Variants in NTM observed in about 807,000 individuals in gnomAD.
NTM encodes neurotrimin, also known as IgLON family member 2.
In NTM, 13 loss-of-function variants were observed where a neutral mutation model predicts 42.1. The observed-to-expected ratio is 0.31, with a 90% CI of 0.20 to 0.49. The LOEUF is 0.49. NTM is among the 20% of genes least tolerant of loss of function. The probability of loss-of-function intolerance (pLI) is 0.99; values close to 1 mark genes in which losing one functional copy is unlikely to be tolerated. For synonymous variants in NTM, 187 were observed against 179.2 expected, an observed-to-expected ratio of 1.04 and a Z score of -0.35; for missense variants, 373 against 452.8, an observed-to-expected ratio of 0.82 and a Z score of 1.60.
chr11:131,530,167 C>T (rs576538379), intron 1 of NTM, among the ~76,000 whole-genome samples: 1 of 152,238 alleles, frequency 6.6e-6, no homozygotes, highest in African/African-American at 2.4e-5. Flanking sequence ...GACAGTGTCC[C>T]CTTCATCTGA....
intron 1 of NTM, among the ~76,000 whole-genome samples, chr11:131,372,346 C>T (rs1470117915): frequency 6.6e-6 from 1 of 152,146 alleles, no homozygotes; most frequent in East Asian, 1.9e-4. Flanking sequence ...TCAGGATTCC[C>T]TGCTGTCCCC....
Position 132,335,153 on chromosome 11 carries a change from T to C in NTM, c.*7T>C, listed in dbSNP as rs2095862718. The C allele has an allele frequency of 4.3e-6, 7 of 1,611,774 alleles. No individual in the cohort carries two copies. The highest frequency in any genetic ancestry group is 5.9e-6 in the Non-Finnish European group (7 of 1,179,888). ...CCTGCTTCTCAAATTTTGATGTGAG[T>C]GCCACTTCCCCACCCGGGAAAGGCT... On this transcript the variant is annotated 3_prime_UTR_variant, in exon 9 of 9. Coordinates refer to ENST00000683400, the MANE Select transcript of NTM (RefSeq NM_001352005.2).
At chr11:131,803,558 C>T (rs1386940672) in intron 1 of NTM, among the ~76,000 whole-genome samples, 2 of 152,220 alleles carry the variant, frequency 1.3e-5, no homozygotes, top group Non-Finnish European at 1.5e-5. Context: ...AATCCGCCCA[C>T]GTTGGCCTCC....
At chr11:131,913,890 G>T (rs1261681729) in intron 2 of NTM, among the ~76,000 whole-genome samples, 1 of 152,174 alleles carries the variant, frequency 6.6e-6, no homozygotes, top group Non-Finnish European at 1.5e-5. Flanking sequence ...ATGAGCTAGG[G>T]TCTGAGCGAC....
chr11:132,275,744 A>ACG (rs2093695746), intron 4 of NTM, among the ~76,000 whole-genome samples: 3 of 28,490 alleles, frequency 1.1e-4, no homozygotes, highest in African/African-American at 4.2e-4. Context: ...ACGTATATAT[A>ACG]TATGTGTATA....
intron 2 of NTM, among the ~76,000 whole-genome samples, chr11:132,095,024 G>A (rs1234647772): frequency 6.6e-6 from 1 of 152,198 alleles, no homozygotes; most frequent in Non-Finnish European, 1.5e-5. Flanking sequence ...AACAGAGATG[G>A]AGACATTCCT....
At chr11:131,398,516 C>T (rs540821725) in intron 1 of NTM, among the ~76,000 whole-genome samples, 28 of 152,048 alleles carry the variant, frequency 1.8e-4, no homozygotes, top group East Asian at 3.9e-4. Flanking sequence ...TTTTCCATGT[C>T]GTTACATAGT....
chr11:132,226,369 C>T (rs1238056963), intron 4 of NTM, among the ~76,000 whole-genome samples: 1 of 152,184 alleles, frequency 6.6e-6, no homozygotes, highest in African/African-American at 2.4e-5. Flanking sequence ...TCTCTAGCAT[C>T]TGTTGTTTCC....
chr11:132,285,371 G>C (rs952722080), intron 4 of NTM, among the ~76,000 whole-genome samples: 1 of 152,086 alleles, frequency 6.6e-6, no homozygotes, highest in Non-Finnish European at 1.5e-5. Flanking sequence ...CCTTTTTGTT[G>C]TTGTTAATTG....
chr11:131,384,044 T>A (rs556820314), intron 1 of NTM, among the ~76,000 whole-genome samples: 155 of 152,316 alleles, frequency 1.0e-3, no homozygotes, highest in Non-Finnish European at 1.9e-3. Context: ...TTCCGTTTTC[T>A]AAGTGAATGG....
intron 4 of NTM, among the ~76,000 whole-genome samples, chr11:132,292,414 C>G (rs2094475830): frequency 6.6e-6 from 1 of 152,118 alleles, no homozygotes; most frequent in Non-Finnish European, 1.5e-5. Context: ...CCGGCCCCTC[C>G]CCCACCTCAG....
At chr11:131,789,659 AGAAG>A (rs2090542819) in intron 1 of NTM, among the ~76,000 whole-genome samples, 1 of 138,626 alleles carries the variant, frequency 7.2e-6, no homozygotes, top group African/African-American at 2.8e-5. Flanking sequence ...AAGAAGAAGA[AGAAG>A]AAGAAAGCAT....
intron 1 of NTM, among the ~76,000 whole-genome samples, chr11:131,835,295 A>G (rs1014978536): frequency 6.6e-6 from 1 of 152,154 alleles, no homozygotes; most frequent in African/African-American, 2.4e-5. Context: ...GCCATCGAGA[A>G]TGTTGCTGGG....
At chr11:131,587,663 T>C (rs1263864088) in intron 1 of NTM, among the ~76,000 whole-genome samples, 1 of 152,194 alleles carries the variant, frequency 6.6e-6, no homozygotes, top group African/African-American at 2.4e-5. Context: ...CAAAGCTTAT[T>C]TCACCAGTCA....
At chr11:132,225,580 A>G (rs1434210622) in intron 4 of NTM, among the ~76,000 whole-genome samples, 1 of 152,220 alleles carries the variant, frequency 6.6e-6, no homozygotes, top group Non-Finnish European at 1.5e-5. Context: ...GAGCCCCTAT[A>G]GTCAGTTCAT....
At chr11:132,318,571 T>A (rs1406071999) in intron 7 of NTM, among the ~76,000 whole-genome samples, 2 of 152,144 alleles carry the variant, frequency 1.3e-5, no homozygotes, top group Non-Finnish European at 2.9e-5. Flanking sequence ...ATTTTCTCAC[T>A]AGCCTAGAGT....
At chr11:132,022,995 C>T (rs1593822949) in intron 2 of NTM, among the ~76,000 whole-genome samples, 1 of 151,850 alleles carries the variant, frequency 6.6e-6, no homozygotes, top group Admixed American at 6.6e-5. Context: ...AGATTGGAAT[C>T]AAGTTTGAGT....
chr11:131,966,445 G>A (rs948466369), intron 2 of NTM, among the ~76,000 whole-genome samples: 3 of 152,104 alleles, frequency 2.0e-5, no homozygotes, highest in African/African-American at 4.8e-5. Context: ...TTGGGTAGGG[G>A]AAAAAAGCAG....
In NTM at chr11:131,908,165, G is replaced by A. The variant is rs193179723; in HGVS notation, c.83-3399G>A. On this transcript the variant is annotated intron_variant, in intron 1 of 8. Transcript: ENST00000683400. ...TTAGTGCTTTCCCTTCACGGGCAGA[G>A]ACAAAGATGGTTTGATTGTCTTAGA... 6.4e-4 allele frequency among the ~76,000 whole-genome samples: 98 copies of A among 152,320 alleles called. 1 individual carries two copies. The highest frequency in any genetic ancestry group is 2.3e-3 in the African/African-American group (96 of 41,560).
Sources: gnomAD v4.1 joint callset for allele counts (sites outside exome capture counted in the v4.1 genomes callset) on GRCh38, gnomAD v4.1.1 for gene constraint, MANE v1.5 for transcripts, NCBI Gene and HGNC (gene_info 2026-07-23, HGNC 2026-07-21) for gene names.